Variants in LEPR observed in about 807,000 individuals in gnomAD.
LEPR encodes leptin receptor.
A neutral mutation model predicts 114.7 loss-of-function variants in LEPR; 56 were observed. That is an observed-to-expected ratio of 0.49 (90% CI 0.39 to 0.61). LEPR has a LOEUF of 0.61. Among genes scored for constraint, LEPR ranks in the 20% least tolerant of loss-of-function variants. The probability of loss-of-function intolerance (pLI) is 0.00; values close to 1 mark genes in which losing one functional copy is unlikely to be tolerated. For synonymous variants in LEPR, 443 were observed against 461.4 expected (o/e 0.96, Z 0.51); for missense variants, 1,202 against 1,352.9 (o/e 0.89, Z 1.75).
chr1:65,534,423 C>G (rs1309096004), intron 2 of LEPR, among the ~76,000 whole-genome samples: 1 of 152,144 alleles, frequency 6.6e-6, no homozygotes, highest in Admixed American at 6.5e-5. Flanking sequence ...TTGTGAGCAT[C>G]TTGAATTCCA....
intron 3 of LEPR, 39 bp downstream of exon 3, chr1:65,565,644 A>T: frequency 1.2e-6 from 2 of 1,611,906 alleles, no homozygotes. Flanking sequence ...ATGCCCTTAA[A>T]CATGGTAGAG....
At chr1:65,428,720 A>C (rs1392966467) in intron 2 of LEPR, among the ~76,000 whole-genome samples, 1 of 152,134 alleles carries the variant, frequency 6.6e-6, no homozygotes, top group Non-Finnish European at 1.5e-5. Context: ...TATAAAAATG[A>C]GCAGAGACTT....
intron 2 of LEPR, among the ~76,000 whole-genome samples, chr1:65,508,426 T>G (rs1286147963): frequency 6.6e-6 from 1 of 152,176 alleles, no homozygotes; most frequent in Admixed American, 6.5e-5. Flanking sequence ...TTTCACAATA[T>G]GATTTATTGA....
At chr1:65,545,805 A>G (rs567318829) in intron 2 of LEPR, among the ~76,000 whole-genome samples, 13 of 151,810 alleles carry the variant, frequency 8.6e-5, no homozygotes, top group Non-Finnish European at 1.6e-4. Context: ...GAAGCTCTTT[A>G]GTTTAATGAG....
intron 2 of LEPR, among the ~76,000 whole-genome samples, chr1:65,509,383 G>A (rs986083606): frequency 5.9e-5 from 9 of 152,040 alleles, no homozygotes; most frequent in African/African-American, 1.9e-4. Flanking sequence ...TTTGTTGAGC[G>A]TTTTTATCAT....
intron 7 of LEPR, among the ~76,000 whole-genome samples, chr1:65,598,259 T>C (rs1656211508): frequency 6.6e-6 from 1 of 151,978 alleles, no homozygotes; most frequent in Non-Finnish European, 1.5e-5. Flanking sequence ...AGACTTTTCA[T>C]GCTCTTCTGT....
At chr1:65,615,100 AC>A (rs202037222) in intron 14 of LEPR, among the ~76,000 whole-genome samples, 1 of 151,968 alleles carries the variant, frequency 6.6e-6, no homozygotes, top group Non-Finnish European at 1.5e-5. Context: ...CTAAAATCTT[AC>A]TTTCAACCTA....
rs557557834 is a variant in LEPR, at chr1:65,580,005, G to A, written c.494+7556G>A. 4.6e-5 allele frequency among the ~76,000 whole-genome samples: 7 copies of A among 152,134 alleles called. No individual in the cohort carries two copies. The East Asian group carries it at 1.2e-3, about 25-fold the overall frequency. ...TTTCTTACAAGATGATTTTTAATTTGGTCTTCTTTTACTTGGAACCTAGGT... is the reference window on the plus strand; with the variant it reads ...TTTCTTACAAGATGATTTTTAATTTAGTCTTCTTTTACTTGGAACCTAGGT... On this transcript the variant is annotated intron_variant, in intron 5 of 19. Coordinates refer to ENST00000349533, the MANE Select transcript of LEPR (RefSeq NM_002303.6).
intron 2 of LEPR, among the ~76,000 whole-genome samples, chr1:65,452,448 G>A (rs1189614653): frequency 7.9e-5 from 12 of 151,394 alleles, no homozygotes; most frequent in African/African-American, 1.9e-4. Context: ...TTTGAGATAC[G>A]TCCCATCAAT....
At position 65,489,599 on chromosome 1, in the gene LEPR, A is replaced by T. The variant is rs771810676; in HGVS notation, c.-21+64221A>T. 8.5e-5 allele frequency among the ~76,000 whole-genome samples: 13 copies of T among 152,216 alleles called. 1 individual carries two copies. The highest frequency in any genetic ancestry group is 5.9e-4 in the Admixed American group (9 of 15,264). Reference sequence around the variant, plus strand: ...TTCACTTTGTTGTTTCTCTTGCCACATAGAAGCTTTTTAGCTTGATGTGAT... The same window carrying T: ...TTCACTTTGTTGTTTCTCTTGCCACTTAGAAGCTTTTTAGCTTGATGTGAT... On this transcript the variant is annotated intron_variant, in intron 2 of 19. Transcript: ENST00000349533.
At chr1:65,591,036 T>C (rs1012756175) in intron 5 of LEPR, among the ~76,000 whole-genome samples, 1 of 152,138 alleles carries the variant, frequency 6.6e-6, no homozygotes, top group African/African-American at 2.4e-5. Flanking sequence ...CCTTAAAGAA[T>C]ATGTTGTATT....
At chr1:65,530,563 T>C (rs561127487) in intron 2 of LEPR, among the ~76,000 whole-genome samples, 112 of 152,288 alleles carry the variant, frequency 7.4e-4, no homozygotes, top group African/African-American at 2.4e-3. Flanking sequence ...TTAGACCATA[T>C]TGGGTAACTT....
Position 65,449,209 on chromosome 1 carries a change from C to G in LEPR, c.-21+23831C>G, listed in dbSNP as rs147898635. On this transcript the variant is annotated intron_variant, in intron 2 of 19. Transcript: ENST00000349533. ...TTCTGATATTAGGAATTTGTGTCAT[C>G]TTTTTGTTTTTCTTGGTTATCCTAG... Among the ~76,000 whole-genome samples the G allele has an allele frequency of 5.3e-3, 755 of 142,842 alleles. 8 individuals are homozygous for G. The highest frequency in any genetic ancestry group is 0.019 in the African/African-American group (727 of 38,628). The allele number at this position is 142,842 out of a possible 152,430, so 93.7% of individuals were successfully genotyped here.
chr1:65,519,113 TTCCTTC>T lies in LEPR; in HGVS notation c.-20-46432_-20-46427del, dbSNP rs1367537345. 9.8e-5 allele frequency among the ~76,000 whole-genome samples: 6 copies of T among 61,482 alleles called. No individual in the cohort carries two copies. The East Asian group carries it at 0.016, about 164-fold the overall frequency. 40.3% of individuals were successfully genotyped at this position (61,482 alleles called of 152,430 possible). A position where few individuals can be genotyped will look rare whatever the true frequency, so the allele number is the denominator to read the frequency against. On this transcript the variant is annotated intron_variant, in intron 2 of 19. Transcript: ENST00000349533. ...TTCCATCCTCTGTGTCTCTCTCTCC[TTCCTTC>T]CTTCCTTCCTTCCTTCCTTCCTTCC...
intron 3 of LEPR, among the ~76,000 whole-genome samples, chr1:65,568,500 G>A (rs1243156702): frequency 9.8e-6 from 1 of 101,658 alleles, no homozygotes; most frequent in East Asian, 4.2e-4. Flanking sequence ...CATGGTGTGT[G>A]AGTGTGTGTG....
At chr1:65,538,949 T>G (rs1054845790) in intron 2 of LEPR, among the ~76,000 whole-genome samples, 2 of 152,024 alleles carry the variant, frequency 1.3e-5, no homozygotes, top group Non-Finnish European at 2.9e-5. Flanking sequence ...TGTATTTTTT[T>G]TGTGTGATTA....
intron 5 of LEPR, among the ~76,000 whole-genome samples, chr1:65,582,742 T>G (rs1261858839): frequency 6.6e-6 from 1 of 152,168 alleles, no homozygotes; most frequent in African/African-American, 2.4e-5. Context: ...CCATCTCTTA[T>G]TGTCAACTCA....
chr1:65,552,245 A>G (rs1390224042), intron 2 of LEPR, among the ~76,000 whole-genome samples: 1 of 152,180 alleles, frequency 6.6e-6, no homozygotes, highest in Non-Finnish European at 1.5e-5. Context: ...AGCTGAGTTC[A>G]AGTCCTGAAT....
intron 2 of LEPR, chr1:65,432,179 T>G: frequency 8.9e-7 from 1 of 1,127,442 alleles, no homozygotes. Flanking sequence ...TCAGAAAATA[T>G]ATTAACGCAG....
Sources: allele counts gnomAD v4.1 joint callset (sites outside exome capture counted in the v4.1 genomes callset), GRCh38; gene constraint gnomAD v4.1.1; transcripts MANE v1.5; gene names NCBI Gene and HGNC (gene_info 2026-07-23, HGNC 2026-07-21).